Variants in CHD3 observed in about 807,000 individuals in gnomAD.
CHD3 encodes the protein chromodomain helicase DNA binding protein 3, also known as ATP-dependent chromatin remodeler CHD3.
CHD3 carries 52 observed loss-of-function variants against 248.9 expected under a neutral mutation model. The observed-to-expected ratio is 0.21, with a 90% CI of 0.17 to 0.26. CHD3 has a LOEUF of 0.26. Ranked by LOEUF, CHD3 falls within the 10% of genes least tolerant of loss-of-function variation. CHD3 has a pLI of 1.00. For synonymous variants in CHD3, 985 were observed against 985.2 expected (o/e 1.00, Z 0.00); for missense variants, 1,482 against 2,605.8 (o/e 0.57, Z 9.39).
At position 7,912,086 on chromosome 17, in the gene CHD3, G is replaced by A. The variant is rs1444146967; in HGVS notation, c.*501G>A. The stretch of plus-strand genomic sequence containing the variant: ...CCTGGGAGGGAGGAAGGGACGAGGA[G>A]GGGTGGCTGCATGTTACCGTCCCCT... On this transcript the variant is annotated 3_prime_UTR_variant, in exon 40 of 40. Coordinates refer to ENST00000330494, the MANE Select transcript of CHD3 (RefSeq NM_001005273.3). 1 of 261,698 alleles carries A rather than the reference G, an allele frequency of 3.8e-6. No homozygotes were observed. The highest frequency in any genetic ancestry group is 7.5e-6 in the Non-Finnish European group (1 of 133,248). 16.2% of individuals were successfully genotyped at this position (261,698 alleles called of 1,614,324 possible). A position where few individuals can be genotyped will look rare whatever the true frequency, so the allele number is the denominator to read the frequency against.
At chr17:7,885,015 G>A (rs1308714020), upstream of CHD3, 4 of 1,228,694 alleles carry the variant, frequency 3.3e-6, no homozygotes, top group Non-Finnish European at 4.1e-6. Flanking sequence ...CCCCCCGGCT[G>A]CCACCTCTTC....
Position 7,908,691 on chromosome 17 carries a change from T to C in CHD3, c.5262-6T>C. 2 of 1,613,964 alleles carry C rather than the reference T, an allele frequency of 1.2e-6. No individual in the cohort carries two copies. The highest frequency in any genetic ancestry group is 1.7e-6 in the Non-Finnish European group (2 of 1,179,868). Reference sequence around the variant, plus strand: ...TCCTTGATGGTTCCTTTTCCTTCATTGGTAGCCATGGCTATGCACGGTGGC... The same window carrying C: ...TCCTTGATGGTTCCTTTTCCTTCATCGGTAGCCATGGCTATGCACGGTGGC... On this transcript the variant is annotated splice_polypyrimidine_tract_variant and splice_region_variant and intron_variant, in intron 35 of 39. Coordinates refer to ENST00000330494, the MANE Select transcript of CHD3 (RefSeq NM_001005273.3). This position sits in a 1 kb window ranked among gnomAD's most constrained non-coding sequence, Gnocchi z 5.8.
Position 7,889,089 on chromosome 17 carries a change from A to G in CHD3, c.89A>G (p.Asp30Gly), listed in dbSNP as rs554141813. The change falls in exon 1 of 40, where the codon GAC (aspartate) becomes GGC (glycine). Residue 30 changes from aspartate to glycine, a missense_variant. This residue lies in a region of CHD3 where 169 missense variants were observed against 168.1 expected (regional missense o/e 1.01). Coordinates refer to ENST00000330494, the MANE Select transcript of CHD3 (RefSeq NM_001005273.3). This position sits in a 1 kb window ranked among gnomAD's most constrained non-coding sequence, Gnocchi z 4.5. ...ISFPPGLCWG[D>G]RMPDKDDIRL... ...TTTCCTCCAGGACTGTGTTGGGGTGACAGGATGCCTGGTAATTATCCGAGG... is the reference window on the plus strand; with the variant it reads ...TTTCCTCCAGGACTGTGTTGGGGTGGCAGGATGCCTGGTAATTATCCGAGG... The G allele has an allele frequency of 8.1e-6, 13 of 1,614,180 alleles. No individual in the cohort carries two copies. In the South Asian group the frequency reaches 1.1e-4, roughly 14 times the overall value.
At position 7,911,899 on chromosome 17, in the gene CHD3, T is replaced by TGTGGGGA; in HGVS notation, c.*316_*322dup. 1 of 504,018 alleles carries TGTGGGGA rather than the reference T, an allele frequency of 2.0e-6. No individual in the cohort carries two copies. Among genetic ancestry groups the TGTGGGGA allele is most frequent in the Non-Finnish European group, 3.3e-6 (1 of 304,728 alleles). 31.2% of individuals were successfully genotyped at this position (504,018 alleles called of 1,614,324 possible). ...TATACACAACTTCCCAGTAAATGGT[T>TGTGGGGA]GTGGGGAGGAAAGAGGTGGAGCCTC... On this transcript the variant is annotated 3_prime_UTR_variant, in exon 40 of 40. Coordinates refer to ENST00000330494, the MANE Select transcript of CHD3 (RefSeq NM_001005273.3). The surrounding 1 kb of genome is among the most constrained non-coding windows in gnomAD (Gnocchi z 5.4).
chr17:7,911,821 G>T lies in CHD3; in HGVS notation c.*236G>T. ...GACTGTGCTGGTGAGAAGAAGTCTGGGTGGGAGATGGCTGGCAGGGTCTTC... is the reference window on the plus strand; with the variant it reads ...GACTGTGCTGGTGAGAAGAAGTCTGTGTGGGAGATGGCTGGCAGGGTCTTC... On this transcript the variant is annotated 3_prime_UTR_variant, in exon 40 of 40. Coordinates refer to ENST00000330494, the MANE Select transcript of CHD3 (RefSeq NM_001005273.3). The surrounding 1 kb of genome is among the most constrained non-coding windows in gnomAD (Gnocchi z 5.4). 7.8e-7 allele frequency: 1 copy of T among 1,283,150 alleles called. No individual in the cohort carries two copies. The highest frequency in any genetic ancestry group is 3.2e-5 in the East Asian group (1 of 31,016). The allele number at this position is 1,283,150 out of a possible 1,614,324, so 79.5% of individuals were successfully genotyped here. A position where few individuals can be genotyped will look rare whatever the true frequency, so the allele number is the denominator to read the frequency against.
Position 7,894,158 on chromosome 17 carries a change from A to C in CHD3, c.968A>C (p.Glu323Ala). ...SDEGPEPEAE[E>A]SDLDSGSVHS... ...GAAGGTCCTGAACCAGAGGCTGAGG[A>C]ATCAGACCTGGACAGTGGCAGTGTC... The change falls in exon 7 of 40, where the codon GAA (glutamate) becomes GCA (alanine). Residue 323 changes from glutamate (E) to alanine (A), a missense_variant. Glu to Ala is a moderately radical substitution (Grantham distance 107). Transcript: ENST00000330494. 6.2e-7 allele frequency: 1 copy of C among 1,614,188 alleles called. No individual in the cohort carries two copies. Among genetic ancestry groups the C allele is most frequent in the Non-Finnish European group, 8.5e-7 (1 of 1,180,016 alleles).
chr17:7,904,755 G>A lies in CHD3; in HGVS notation c.4072+136G>A. 1.1e-6 allele frequency: 1 copy of A among 895,814 alleles called. No homozygotes were observed. The highest frequency in any genetic ancestry group is 1.7e-6 in the Non-Finnish European group (1 of 599,600). 55.5% of individuals were successfully genotyped at this position (895,814 alleles called of 1,614,324 possible). ...CCTCTGCTAAAAGGGAAAGACATAA[G>A]GTAGAGTCATTAGGAACTACCCAGA... On this transcript the variant is annotated intron_variant, in intron 25 of 39. Coordinates refer to ENST00000330494, the MANE Select transcript of CHD3 (RefSeq NM_001005273.3). This position sits in a 1 kb window ranked among gnomAD's most constrained non-coding sequence, Gnocchi z 4.4.
upstream of CHD3, among the ~76,000 whole-genome samples, chr17:7,885,464 C>A (rs1347400022): frequency 6.6e-6 from 1 of 150,840 alleles, no homozygotes; most frequent in Non-Finnish European, 1.5e-5. Context: ...AGGGGGTAGG[C>A]AGGAAACGGC....
Position 7,909,036 on chromosome 17 carries a change from T to G in CHD3, c.5395-107T>G. ...AGTCGGTTTGGAGCTGGGAGTGCCC[T>G]GGGCCAGCAGTGAGGGCAGGGTGGG... On this transcript the variant is annotated intron_variant, in intron 36 of 39. Coordinates refer to ENST00000330494, the MANE Select transcript of CHD3 (RefSeq NM_001005273.3). This position sits in a 1 kb window ranked among gnomAD's most constrained non-coding sequence, Gnocchi z 8.1. The G allele has an allele frequency of 6.8e-7, 1 of 1,477,828 alleles. No homozygotes were observed. The highest frequency in any genetic ancestry group is 9.2e-7 in the Non-Finnish European group (1 of 1,092,154). The allele number at this position is 1,477,828 out of a possible 1,614,324, so 91.5% of individuals were successfully genotyped here.
At chr17:7,894,336 C>A in intron 7 of CHD3, 71 bp downstream of exon 7, 2 of 1,590,078 alleles carry the variant, frequency 1.3e-6, no homozygotes, top group Non-Finnish European at 1.7e-6. Context: ...ATTTTGACTT[C>A]TCTCTTCAAC....
Position 7,911,478 on chromosome 17 carries a change from C to T in CHD3, c.5896C>T (p.Pro1966Ser), listed in dbSNP as rs201611412. ...TTCCCAAACAGCCGCCACCAACGGC[C>T]CTCCAGTGCTTGTGAAGAAGGAGAA... ...GSFITAATNG[P>S]PVLVKKEKEM... Residue 1966 changes from proline (P) to serine (S), a missense_variant, in exon 40 of 40, where the codon CCT becomes TCT. Coordinates refer to ENST00000330494, the MANE Select transcript of CHD3 (RefSeq NM_001005273.3). This position sits in a 1 kb window ranked among gnomAD's most constrained non-coding sequence, Gnocchi z 5.4. 5.1e-5 allele frequency: 83 copies of T among 1,614,210 alleles called. No individual in the cohort carries two copies. The highest frequency in any genetic ancestry group is 4.0e-5 in the African/African-American group (3 of 75,052).
chr17:7,893,840 G>A lies in CHD3; in HGVS notation c.829G>A (p.Val277Met), dbSNP rs771185332. 2 of 1,614,112 alleles carry A rather than the reference G, an allele frequency of 1.2e-6. No homozygotes were observed. The highest frequency in any genetic ancestry group is 1.7e-6 in the Non-Finnish European group (2 of 1,180,022). The change falls in exon 6 of 40, where the codon GTG becomes ATG. Residue 277 changes from valine to methionine, a missense_variant. Transcript: ENST00000330494. ...TAAGAGGCGGAGTAAGAGCCCCCGA[G>A]TGCCTGATGGACGCAAGAAGCTTCG... ...GHKRRSKSPR[V>M]PDGRKKLRGK...
chr17:7,887,768 G>A (rs915867450), upstream of CHD3, among the ~76,000 whole-genome samples: 66 of 152,342 alleles, frequency 4.3e-4, no homozygotes, highest in African/African-American at 1.5e-3. Context: ...TCTCCTCCCT[G>A]CCTCCCTGAG....
chr17:7,888,652 C>T (rs1003863048), upstream of CHD3: 4 of 272,784 alleles, frequency 1.5e-5, no homozygotes, highest in East Asian at 1.0e-4. Flanking sequence ...GGGGAGAAAG[C>T]CAGGGACCTA....
intron 4 of CHD3, among the ~76,000 whole-genome samples, chr17:7,891,667 C>G (rs987218623): frequency 3.9e-5 from 6 of 152,062 alleles, no homozygotes; most frequent in African/African-American, 1.4e-4. Flanking sequence ...TCAGGACCAG[C>G]CCATCCAACA....
rs369145256 is a variant in CHD3 at position 7,893,261 on chromosome 17, G to A, written c.510-25G>A. ...TTCCCAGACCATCTGTGAAGGGTCCGAGTTTTCTGCTTCTATATTTACAGG... is the reference window on the plus strand; with the variant it reads ...TTCCCAGACCATCTGTGAAGGGTCCAAGTTTTCTGCTTCTATATTTACAGG... On this transcript the variant is annotated intron_variant, in intron 4 of 39. Transcript: ENST00000330494. 259 of 1,583,836 alleles carry A rather than the reference G, an allele frequency of 1.6e-4. 1 individual carries two copies. In the East Asian group the frequency reaches 3.8e-3, roughly 23 times the overall value.
Position 7,905,059 on chromosome 17 carries a change from G to C in CHD3, c.4073-41G>C. The stretch of plus-strand genomic sequence containing the variant: ...AAGGGCCTCAGCATGGGCATATCCC[G>C]AGAGCCCTCCCTGACCACTGGGCCC... On this transcript the variant is annotated intron_variant, in intron 25 of 39. Transcript: ENST00000330494. The surrounding 1 kb of genome is among the most constrained non-coding windows in gnomAD (Gnocchi z 5.8). The C allele has an allele frequency of 2.5e-6, 4 of 1,587,754 alleles. No individual in the cohort carries two copies. The highest frequency in any genetic ancestry group is 3.5e-6 in the Non-Finnish European group (4 of 1,156,008).
Position 7,895,628 on chromosome 17 carries a change from C to T in CHD3, c.1707+86C>T, listed in dbSNP as rs1969530241. The T allele has an allele frequency of 2.5e-6, 3 of 1,214,822 alleles. No individual in the cohort carries two copies. Among genetic ancestry groups the T allele is most frequent in the Non-Finnish European group, 3.6e-6 (3 of 842,842 alleles). The allele number at this position is 1,214,822 out of a possible 1,614,324, so 75.3% of individuals were successfully genotyped here. A position where few individuals can be genotyped will look rare whatever the true frequency, so the allele number is the denominator to read the frequency against. On this transcript the variant is annotated intron_variant, in intron 10 of 39. Transcript: ENST00000330494. This position sits in a 1 kb window ranked among gnomAD's most constrained non-coding sequence, Gnocchi z 4.9. ...TCTTACTCCTCTGTTTGTTGGGTTC[C>T]CATACTCTTTGTTTTCTCTCATTTC...
chr17:7,893,814 A>ATAG lies in CHD3; in HGVS notation c.805_806insGTA (p.His268_Lys269insSer). The ATAG allele has an allele frequency of 1.2e-6, 2 of 1,614,068 alleles. No homozygotes were observed. Among genetic ancestry groups the ATAG allele is most frequent in the Non-Finnish European group, 1.7e-6 (2 of 1,180,002 alleles). Reference sequence around the variant, plus strand: ...CCGACTCCTCATTCAGGTCCAGGCCATAAGAGGCGGAGTAAGAGCCCCCGA... The same window carrying ATAG: ...CCGACTCCTCATTCAGGTCCAGGCCATAGTAAGAGGCGGAGTAAGAGCCCCCGA... On this transcript the variant is annotated inframe_insertion, in exon 6 of 40. Transcript: ENST00000330494.
Sources: gnomAD v4.1 joint callset for allele counts (sites outside exome capture counted in the v4.1 genomes callset) on GRCh38, gnomAD v4.1.1 for gene constraint, gnomAD v4.1.1 regional missense constraint, Gnocchi (gnomAD v3.1) non-coding constraint, MANE v1.5 for transcripts, NCBI Gene and HGNC (gene_info 2026-07-23, HGNC 2026-07-21) for gene names.